GRIK4: variants seen among roughly 807,000 people sequenced by gnomAD.
The protein encoded by GRIK4 is glutamate ionotropic receptor kainate type subunit 4.
Under a neutral mutation model 104.9 loss-of-function variants are expected in GRIK4, and 40 were observed. The observed-to-expected ratio is 0.38, with a 90% CI of 0.30 to 0.50. GRIK4 has a LOEUF of 0.50. Ranked by LOEUF, GRIK4 falls within the 20% of genes least tolerant of loss-of-function variation. GRIK4 has a pLI of 0.93. For synonymous variants in GRIK4, 485 were observed against 524.9 expected (o/e 0.92, Z 1.04); for missense variants, 1,047 against 1,308.1 (o/e 0.80, Z 3.08).
intron 13 of GRIK4, among the ~76,000 whole-genome samples, chr11:120,934,736 G>A (rs948849266): frequency 1.3e-5 from 2 of 152,196 alleles, no homozygotes; most frequent in African/African-American, 4.8e-5. Flanking sequence ...AGAGGAGAGA[G>A]GTCTTTCTCT....
chr11:120,870,154 A>G (rs187210018), intron 9 of GRIK4: 3 of 152,272 alleles, frequency 2.0e-5, no homozygotes, highest in Non-Finnish European at 4.4e-5. Context: ...GGTCACTCAC[A>G]CTGTCCCAAA....
chr11:120,660,032 G>A (rs1301869776), intron 2 of GRIK4, among the ~76,000 whole-genome samples: 1 of 152,202 alleles, frequency 6.6e-6, no homozygotes, highest in Non-Finnish European at 1.5e-5. Flanking sequence ...GTGCCTGGCT[G>A]CGAGCAGATG....
chr11:120,637,011 G>A (rs1421812123), intron 1 of GRIK4, among the ~76,000 whole-genome samples: 3 of 152,136 alleles, frequency 2.0e-5, no homozygotes, highest in Non-Finnish European at 2.9e-5. Context: ...TGCCTGCTTC[G>A]GGTCTCTGAG....
Position 120,986,363 on chromosome 11 carries a change from CCT to C in GRIK4, c.*107_*108del, listed in dbSNP as rs1944754294. 2.3e-6 allele frequency: 3 copies of C among 1,318,346 alleles called. No homozygotes were observed. The Admixed American group carries it at 1.1e-4, about 48-fold the overall frequency. The allele number at this position is 1,318,346 out of a possible 1,614,324, so 81.7% of individuals were successfully genotyped here. ...AGCCGGAACTTGTACAGCGTCGACA[CCT>C]CTCCAGATTTCGGATCCAGTCACTT... On this transcript the variant is annotated 3_prime_UTR_variant, in exon 21 of 21. Transcript: ENST00000527524.
chr11:120,907,343 T>C (rs74814854), intron 13 of GRIK4, among the ~76,000 whole-genome samples: 2,302 of 152,220 alleles, frequency 0.015, 52 homozygotes, highest in African/African-American at 0.053. Flanking sequence ...ATTAGCCCCC[T>C]AATGAGCTGT....
chr11:120,515,066 C>T (rs1947708372), intron 1 of GRIK4: 1 of 456,216 alleles, frequency 2.2e-6, no homozygotes, highest in African/African-American at 2.0e-5. Flanking sequence ...GGTGAAGGCC[C>T]TCTGCACGCT....
chr11:120,808,872 C>T (rs1250471925), intron 4 of GRIK4, among the ~76,000 whole-genome samples: 15 of 152,150 alleles, frequency 9.9e-5, no homozygotes, highest in Non-Finnish European at 2.2e-4. Flanking sequence ...TGAGTTCTCC[C>T]AGCCCTCCCC....
At chr11:120,760,847 A>T (rs1951737589) in intron 3 of GRIK4, among the ~76,000 whole-genome samples, 1 of 151,768 alleles carries the variant, frequency 6.6e-6, no homozygotes, top group Admixed American at 6.6e-5. Context: ...TCAGTCTGTC[A>T]TTGATGGGCA....
chr11:120,560,124 AC>A (rs1426127810), intron 1 of GRIK4, among the ~76,000 whole-genome samples: 3 of 151,868 alleles, frequency 2.0e-5, no homozygotes, highest in African/African-American at 7.3e-5. Flanking sequence ...ATCTTGGATC[AC>A]TGCAACCTCC....
intron 3 of GRIK4, among the ~76,000 whole-genome samples, chr11:120,785,553 TG>T (rs1952250534): frequency 6.6e-6 from 1 of 152,158 alleles, no homozygotes. Flanking sequence ...TAGCTAATTG[TG>T]GGAGTGTGAA....
chr11:120,561,415 C>A (rs1948237387), intron 1 of GRIK4, among the ~76,000 whole-genome samples: 1 of 152,234 alleles, frequency 6.6e-6, no homozygotes, highest in South Asian at 2.1e-4. Context: ...TGCACGCTCA[C>A]CAGCAAGGCC....
intron 1 of GRIK4, among the ~76,000 whole-genome samples, chr11:120,558,017 CAAAA>C (rs59960959): frequency 1.8e-4 from 7 of 39,596 alleles, no homozygotes; most frequent in Admixed American, 2.8e-4. Flanking sequence ...GACTCCGTCT[CAAAA>C]AAAAAAAAAA....
intron 1 of GRIK4, among the ~76,000 whole-genome samples, chr11:120,589,397 A>G (rs1948708511): frequency 1.3e-5 from 2 of 152,196 alleles, no homozygotes; most frequent in Non-Finnish European, 2.9e-5. Flanking sequence ...CTAAATGCCA[A>G]GGGCTTTTCT....
intron 3 of GRIK4, among the ~76,000 whole-genome samples, chr11:120,780,473 G>C (rs1952131861): frequency 1.3e-5 from 2 of 152,044 alleles, no homozygotes; most frequent in South Asian, 4.1e-4. Flanking sequence ...TCCTTCCTTT[G>C]TAAGGCTGAA....
intron 3 of GRIK4, among the ~76,000 whole-genome samples, chr11:120,758,208 C>T (rs1301763510): frequency 2.0e-5 from 3 of 152,164 alleles, no homozygotes; most frequent in Non-Finnish European, 2.9e-5. Flanking sequence ...CACTCTGCTT[C>T]ATTGTACCCA....
At chr11:120,681,138 G>A (rs752295387) in intron 3 of GRIK4, among the ~76,000 whole-genome samples, 8 of 152,262 alleles carry the variant, frequency 5.3e-5, no homozygotes, top group Middle Eastern at 3.4e-3. Context: ...TGGCTGCCAG[G>A]GCTTTAGCCA....
intron 1 of GRIK4, among the ~76,000 whole-genome samples, chr11:120,601,315 A>G (rs1241367846): frequency 6.6e-6 from 1 of 152,022 alleles, no homozygotes; most frequent in Non-Finnish European, 1.5e-5. Context: ...CTGAGGCAGG[A>G]GCATCACTGG....
chr11:120,768,093 T>C (rs56115401), intron 3 of GRIK4, among the ~76,000 whole-genome samples: 3,756 of 152,088 alleles, frequency 0.025, 138 homozygotes, highest in African/African-American at 0.085. Flanking sequence ...ATGAAGAATG[T>C]CATTGGAATT....
chr11:120,787,852 CTTTTTT>C (rs58523604), intron 3 of GRIK4, among the ~76,000 whole-genome samples: 5 of 77,106 alleles, frequency 6.5e-5, no homozygotes, highest in South Asian at 4.9e-4. Context: ...CTTTTCTTTT[CTTTTTT>C]TTTTTTTTTT....
Sources: allele counts gnomAD v4.1 joint callset (sites outside exome capture counted in the v4.1 genomes callset), GRCh38; gene constraint gnomAD v4.1.1; transcripts MANE v1.5; gene names NCBI Gene and HGNC (gene_info 2026-07-23, HGNC 2026-07-21).